OLFM3: variants seen among roughly 807,000 people sequenced by gnomAD.
OLFM3 encodes olfactomedin 3.
In OLFM3, 20 loss-of-function variants were observed where a neutral mutation model predicts 48.6. That is an observed-to-expected ratio of 0.41 (90% CI 0.29 to 0.60). The LOEUF is 0.60. OLFM3 is among the 20% of genes least tolerant of loss of function. The pLI is 0.28. For synonymous variants in OLFM3, 222 were observed against 198.1 expected (o/e 1.12, Z -1.01); for missense variants, 437 against 544.3 (o/e 0.80, Z 1.96).
At chr1:101,954,057 G>A (rs973549541) in intron 1 of OLFM3, among the ~76,000 whole-genome samples, 1 of 151,992 alleles carries the variant, frequency 6.6e-6, no homozygotes, top group Non-Finnish European at 1.5e-5. Context: ...TTTAAATGGA[G>A]TTTACTTGTA....
intron 1 of OLFM3, among the ~76,000 whole-genome samples, chr1:101,921,387 GA>G (rs2101038408): frequency 1.3e-5 from 2 of 152,256 alleles, no homozygotes; most frequent in South Asian, 4.1e-4. Flanking sequence ...AACATATTTT[GA>G]AAAACAGAGG....
At position 101,996,400 on chromosome 1, in the gene OLFM3, T is replaced by C. The variant is rs1209492598; in HGVS notation, c.69+348A>G. On this transcript the variant is annotated intron_variant, in intron 1 of 5. Coordinates refer to ENST00000370103, the MANE Select transcript of OLFM3 (RefSeq NM_058170.4). ...TCCTAATACATGTTTATAAATTGCA[T>C]TGTTTCTACTGCAAACTCCTTTGCA... 2.6e-5 allele frequency among the ~76,000 whole-genome samples: 4 copies of C among 152,162 alleles called. No individual in the cohort carries two copies. In the East Asian group the frequency reaches 7.7e-4, roughly 29 times the overall value.
At chr1:101,922,663 A>G (rs889029059) in intron 1 of OLFM3, among the ~76,000 whole-genome samples, 2 of 152,158 alleles carry the variant, frequency 1.3e-5, no homozygotes, top group Non-Finnish European at 2.9e-5. Flanking sequence ...GTGTTCTCTG[A>G]AGTAAGAATG....
At chr1:101,850,754 T>A (rs1056699537) in intron 1 of OLFM3, among the ~76,000 whole-genome samples, 3 of 152,190 alleles carry the variant, frequency 2.0e-5, no homozygotes, top group Non-Finnish European at 4.4e-5. Flanking sequence ...GATTGCTTGC[T>A]AAACAGTAGA....
At chr1:101,825,396 A>T in intron 3 of OLFM3, 151 bp from the exon 4 acceptor site, 1 of 654,614 alleles carries the variant, frequency 1.5e-6, no homozygotes, top group South Asian at 2.2e-5. Context: ...GTGAAAATTT[A>T]AGCGGTCATG....
chr1:101,861,111 G>A (rs1276139523), intron 1 of OLFM3, among the ~76,000 whole-genome samples: 4 of 152,000 alleles, frequency 2.6e-5, no homozygotes, highest in Non-Finnish European at 4.4e-5. Flanking sequence ...GCCCAGGCTG[G>A]TGTGCAGTGG....
intron 1 of OLFM3, among the ~76,000 whole-genome samples, chr1:101,943,839 G>A (rs1211012110): frequency 6.6e-6 from 1 of 151,484 alleles, no homozygotes; most frequent in African/African-American, 2.4e-5. Context: ...TTGTATATTG[G>A]TATATTTAAT....
chr1:101,863,013 C>T (rs577067647), intron 1 of OLFM3, among the ~76,000 whole-genome samples: 7 of 145,438 alleles, frequency 4.8e-5, no homozygotes, highest in South Asian at 2.2e-4. Context: ...TTTTTTGAGA[C>T]GGAGTGTTGC....
At chr1:101,893,241 A>G in intron 1 of OLFM3, 1 of 298,792 alleles carries the variant, frequency 3.3e-6, no homozygotes, top group Admixed American at 3.8e-5. Flanking sequence ...GTGTGAAGAC[A>G]GAGGTGGGGA....
intron 1 of OLFM3, among the ~76,000 whole-genome samples, chr1:101,958,508 C>T (rs1660367482): frequency 6.6e-6 from 1 of 152,042 alleles, no homozygotes; most frequent in South Asian, 2.1e-4. Context: ...TACAATACCA[C>T]ATTGTAGATT....
At chr1:101,818,429 C>T (rs1227411877) in intron 4 of OLFM3, among the ~76,000 whole-genome samples, 1 of 152,026 alleles carries the variant, frequency 6.6e-6, no homozygotes, top group Non-Finnish European at 1.5e-5. Flanking sequence ...GCAATGGAGA[C>T]ATTGCCATTC....
At chr1:101,947,780 G>A (rs1238198334) in intron 1 of OLFM3, among the ~76,000 whole-genome samples, 1 of 152,132 alleles carries the variant, frequency 6.6e-6, no homozygotes, top group African/African-American at 2.4e-5. Flanking sequence ...GATTTTCGGT[G>A]AGTTATTTAA....
At chr1:101,958,422 T>G (rs1660363769) in intron 1 of OLFM3, among the ~76,000 whole-genome samples, 1 of 152,066 alleles carries the variant, frequency 6.6e-6, no homozygotes, top group Non-Finnish European at 1.5e-5. Flanking sequence ...GGCTCAGAAA[T>G]GTCTAATGCT....
chr1:101,809,530 T>G (rs1447197592), intron 4 of OLFM3, among the ~76,000 whole-genome samples: 3 of 151,888 alleles, frequency 2.0e-5, no homozygotes, highest in African/African-American at 2.4e-5. Context: ...CAGAAATTAC[T>G]TGGGGATATA....
intron 3 of OLFM3, among the ~76,000 whole-genome samples, chr1:101,828,024 CTCTCTCTCTG>C (rs1283580719): frequency 4.6e-4 from 48 of 105,272 alleles, no homozygotes; most frequent in South Asian, 5.9e-4. Flanking sequence ...CTCTCTCTCT[CTCTCTCTCTG>C]TCTGTCTGTC....
chr1:101,819,581 T>C (rs1478728300), intron 4 of OLFM3, among the ~76,000 whole-genome samples: 1 of 151,984 alleles, frequency 6.6e-6, no homozygotes, highest in Non-Finnish European at 1.5e-5. Flanking sequence ...AGATAAAAGA[T>C]GTGGCGATTG....
intron 1 of OLFM3, among the ~76,000 whole-genome samples, chr1:101,950,487 G>T (rs1660108164): frequency 6.8e-6 from 1 of 147,970 alleles, no homozygotes; most frequent in East Asian, 2.0e-4. Flanking sequence ...CGCCCAGGCT[G>T]GAGTGCAGTG....
At chr1:101,985,153 T>A (rs1661200458) in intron 1 of OLFM3, among the ~76,000 whole-genome samples, 1 of 152,242 alleles carries the variant, frequency 6.6e-6, no homozygotes, top group South Asian at 2.1e-4. Context: ...GCTTTTGTCA[T>A]CCTTGCTTCT....
chr1:101,972,465 G>A (rs1314968594), intron 1 of OLFM3, among the ~76,000 whole-genome samples: 1 of 152,108 alleles, frequency 6.6e-6, no homozygotes, highest in Non-Finnish European at 1.5e-5. Context: ...TGAAATGTCT[G>A]TTATCTTTCA....
Sources: allele counts gnomAD v4.1 joint callset (sites outside exome capture counted in the v4.1 genomes callset), GRCh38; gene constraint gnomAD v4.1.1; transcripts MANE v1.5; gene names NCBI Gene and HGNC (gene_info 2026-07-23, HGNC 2026-07-21).